The following TF variants were observed in gnomAD, a reference collection of about 807,000 sequenced individuals.
The protein encoded by TF is serotransferrin.
In TF, 55 loss-of-function variants were observed where a neutral mutation model predicts 82.4. That is an observed-to-expected ratio of 0.67 (90% confidence interval 0.54 to 0.84). TF has a LOEUF of 0.84. Ranked by LOEUF, TF falls within the 40% of genes least tolerant of loss-of-function variation. The pLI is 0.00. For missense variants in TF, 737 were observed against 868.4 expected, an observed-to-expected ratio of 0.85 and a Z score of 1.90; for synonymous variants, 332 against 332.6, an observed-to-expected ratio of 1.00 and a Z score of 0.02.
chr3:133,777,597 TTTAAG>T (rs1342385154), intron 16 of TF: 1 of 193,444 alleles, frequency 5.2e-6, no homozygotes, highest in Non-Finnish European at 1.1e-5. Context: ...ACTATTTAAA[TTTAAG>T]TTAATTAAAA....
At chr3:133,717,492 G>C in the TF span, among the ~76,000 whole-genome samples, 1 of 152,184 alleles carries the variant, frequency 6.6e-6, no homozygotes, top group East Asian at 1.9e-4. Context: ...GGTTTCTCAG[G>C]CTACCTGGAG....
the TF span, among the ~76,000 whole-genome samples, chr3:133,671,407 T>C: frequency 1.3e-5 from 2 of 152,106 alleles, no homozygotes; most frequent in African/African-American, 4.8e-5. Flanking sequence ...GGAATACTTA[T>C]AGGCAAATTT....
chr3:133,686,010 A>G, the TF span, among the ~76,000 whole-genome samples: 1 of 152,198 alleles, frequency 6.6e-6, no homozygotes, highest in East Asian at 1.9e-4. Flanking sequence ...ATATAGACCA[A>G]TGGAAGAGAA....
In TF at chr3:133,777,711, T is replaced by C. The variant is rs41296612; in HGVS notation, c.2062+473T>C. The C allele has an allele frequency of 3.1e-3, 540 of 175,344 alleles. 5 individuals are homozygous for C. The highest frequency in any genetic ancestry group is 0.011 in the African/African-American group (481 of 41,968). 10.9% of individuals were successfully genotyped at this position (175,344 alleles called of 1,614,324 possible). On this transcript the variant is annotated intron_variant, in intron 16 of 16. Coordinates refer to ENST00000402696, the MANE Select transcript of TF (RefSeq NM_001063.4). ...TCCATATTGGTCAGCAAAGAGAATG[T>C]TTGCATCATCACAGAAAGCTCTTTC...
intron 2 of TF, among the ~76,000 whole-genome samples, chr3:133,752,133 C>T (rs1452461920): frequency 2.0e-5 from 3 of 148,776 alleles, no homozygotes; most frequent in Non-Finnish European, 4.4e-5. Context: ...TGCTCTGTCA[C>T]CTAGGCTAGA....
intron 16 of TF, 114 bp downstream of exon 16, chr3:133,777,352 C>A: frequency 2.0e-6 from 2 of 989,526 alleles, no homozygotes; most frequent in Non-Finnish European, 3.1e-6. Context: ...ACAACATGGA[C>A]AAAATGAAAT....
intron 2 of TF, 46 bp downstream of exon 2, chr3:133,748,630 C>T: frequency 1.2e-6 from 2 of 1,607,840 alleles, no homozygotes; most frequent in Non-Finnish European, 1.7e-6. Flanking sequence ...GCCATACTTT[C>T]TCTGTTTCCA....
At chr3:133,712,867 T>C in the TF span, 424 of 152,800 alleles carry the variant, frequency 2.8e-3, 1 homozygote, top group Non-Finnish European at 5.0e-3. Flanking sequence ...GTCCTGTCAC[T>C]TCTTCCATCA....
chr3:133,715,366 C>T, the TF span, among the ~76,000 whole-genome samples: 1 of 152,204 alleles, frequency 6.6e-6, no homozygotes, highest in African/African-American at 2.4e-5. Flanking sequence ...GCCCTAGTCA[C>T]TGCCTTCCCT....
intron 14 of TF, chr3:133,773,363 A>T: frequency 6.6e-6 from 1 of 152,170 alleles, no homozygotes; most frequent in Non-Finnish European, 1.5e-5. Context: ...GGGTTTCACC[A>T]TGTTGGCCAG....
intron 2 of TF, among the ~76,000 whole-genome samples, chr3:133,752,064 C>A (rs1400832907): frequency 1.3e-5 from 2 of 151,274 alleles, no homozygotes; most frequent in African/African-American, 4.9e-5. Flanking sequence ...TGTAACACAA[C>A]AAAGTTCATG....
the TF span, among the ~76,000 whole-genome samples, chr3:133,717,410 C>T: frequency 6.6e-6 from 1 of 152,232 alleles, no homozygotes; most frequent in African/African-American, 2.4e-5. Flanking sequence ...GGGATACACT[C>T]TGCTTCTCCC....
chr3:133,775,382 G>A (rs756690780), intron 14 of TF, 51 bp from the exon 15 acceptor site: 32 of 1,599,134 alleles, frequency 2.0e-5, no homozygotes, highest in East Asian at 8.9e-5. Flanking sequence ...TCTCCCCAGC[G>A]GGGCACCTTG....
the TF span, among the ~76,000 whole-genome samples, chr3:133,722,573 A>T: frequency 2.0e-5 from 3 of 151,862 alleles, no homozygotes; most frequent in Admixed American, 2.0e-4. Context: ...GCTGTGATTT[A>T]TTTATCTGTG....
At chr3:133,668,660 AC>A in the TF span, among the ~76,000 whole-genome samples, 5 of 151,854 alleles carry the variant, frequency 3.3e-5, no homozygotes, top group Non-Finnish European at 7.4e-5. Flanking sequence ...TCCCACCCAT[AC>A]CCCCTCACCC....
the TF span, among the ~76,000 whole-genome samples, chr3:133,734,885 A>G: frequency 2.0e-5 from 3 of 152,156 alleles, no homozygotes; most frequent in Non-Finnish European, 4.4e-5. Context: ...GGAAATTCCC[A>G]AGGACAAGTG....
the TF span, among the ~76,000 whole-genome samples, chr3:133,672,565 A>G: frequency 6.6e-6 from 1 of 152,236 alleles, no homozygotes; most frequent in South Asian, 2.1e-4. Context: ...TCAACATTTA[A>G]AAATCAATTA....
chr3:133,766,259 T>C lies in TF; in HGVS notation c.1331-19T>C. On this transcript the variant is annotated intron_variant, in intron 11 of 16. Transcript: ENST00000402696. Reference sequence around the variant, plus strand: ...CCCCAGAGGTGTTAATACATCCTTTTCTGGTGTCTTTCTTGTAGGGTATTT... The same window carrying C: ...CCCCAGAGGTGTTAATACATCCTTTCCTGGTGTCTTTCTTGTAGGGTATTT... The C allele has an allele frequency of 2.5e-6, 4 of 1,613,906 alleles. No individual in the cohort carries two copies. Among genetic ancestry groups the C allele is most frequent in the Non-Finnish European group, 3.4e-6 (4 of 1,179,794 alleles).
chr3:133,688,756 G>A, the TF span, among the ~76,000 whole-genome samples: 1 of 152,110 alleles, frequency 6.6e-6, no homozygotes, highest in Admixed American at 6.6e-5. Context: ...GATAGAAAAC[G>A]CATATAAGAT....
Sources: allele counts gnomAD v4.1 joint callset (sites outside exome capture counted in the v4.1 genomes callset), GRCh38; gene constraint gnomAD v4.1.1; transcripts MANE v1.5; gene names NCBI Gene and HGNC (gene_info 2026-07-23, HGNC 2026-07-21).